Variants in PTPRN2 observed in about 807,000 individuals in gnomAD.
PTPRN2 encodes the protein receptor-type tyrosine-protein phosphatase N2.
Under a neutral mutation model 118.8 loss-of-function variants are expected in PTPRN2, and 74 were observed. That is an observed-to-expected ratio of 0.62 (90% CI 0.52 to 0.76). The LOEUF is 0.76. PTPRN2 is among the 30% of genes least tolerant of loss of function. The pLI is 0.00. For synonymous variants in PTPRN2, 641 were observed against 608.0 expected, an observed-to-expected ratio of 1.05 and a Z score of -0.80; for missense variants, 1,481 against 1,394.4, an observed-to-expected ratio of 1.06 and a Z score of -0.99.
intron 3 of PTPRN2, among the ~76,000 whole-genome samples, chr7:158,221,209 A>T (rs1163336606): frequency 6.6e-6 from 1 of 152,180 alleles, no homozygotes; most frequent in African/African-American, 2.4e-5. Flanking sequence ...CATATACAAA[A>T]ATCAATTTAA....
chr7:158,009,648 C>T (rs1805899993), intron 11 of PTPRN2, among the ~76,000 whole-genome samples: 1 of 152,172 alleles, frequency 6.6e-6, no homozygotes, highest in African/African-American at 2.4e-5. Flanking sequence ...TATAAGGACA[C>T]ATTTAAATTC....
chr7:158,144,115 A>G (rs186297165), intron 6 of PTPRN2, among the ~76,000 whole-genome samples: 107 of 152,330 alleles, frequency 7.0e-4, no homozygotes, highest in African/African-American at 2.5e-3. Context: ...GCTGGTTGTG[A>G]TATTTTGACA....
chr7:158,405,570 T>C (rs575577976), intron 2 of PTPRN2, among the ~76,000 whole-genome samples: 4 of 152,362 alleles, frequency 2.6e-5, no homozygotes, highest in African/African-American at 9.6e-5. Flanking sequence ...AAACGGGGCA[T>C]GCACAACACT....
chr7:158,141,034 C>T lies in PTPRN2; in HGVS notation c.911-2519G>A, dbSNP rs556779505. Among the ~76,000 whole-genome samples, 8 of 152,180 alleles carry T rather than the reference C, an allele frequency of 5.3e-5. No homozygotes were observed. The East Asian group carries it at 5.8e-4, about 11-fold the overall frequency. On this transcript the variant is annotated intron_variant, in intron 6 of 22. Coordinates refer to ENST00000389418, the MANE Select transcript of PTPRN2 (RefSeq NM_002847.5). The stretch of plus-strand genomic sequence containing the variant: ...TCCTGACCTCAGTGGGGTCTCACCA[C>T]GACCCTCCACTGTAGGGGGGTCCCG...
chr7:158,191,014 C>T (rs575671810), intron 5 of PTPRN2, among the ~76,000 whole-genome samples: 4 of 152,258 alleles, frequency 2.6e-5, no homozygotes, highest in Non-Finnish European at 5.9e-5. Context: ...ACAGAACGTG[C>T]CACCTTGTGG....
At position 158,410,987 on chromosome 7, in the gene PTPRN2, G is replaced by A. The variant is rs574218658; in HGVS notation, c.163+78748C>T. ...ACCCAGGTGACCCCAGACATGGAGC[G>A]TGAGTAGGAAATTCACTTGGTGGTG... On this transcript the variant is annotated intron_variant, in intron 2 of 22. Coordinates refer to ENST00000389418, the MANE Select transcript of PTPRN2 (RefSeq NM_002847.5). Among the ~76,000 whole-genome samples the A allele has an allele frequency of 9.3e-5, 7 of 75,346 alleles. No homozygotes were observed. In the South Asian group the frequency reaches 1.8e-3, roughly 19 times the overall value. The allele number at this position is 75,346 out of a possible 152,430, so 49.4% of individuals were successfully genotyped here.
intron 3 of PTPRN2, among the ~76,000 whole-genome samples, chr7:158,247,946 C>T (rs990744352): frequency 6.6e-6 from 1 of 152,188 alleles, no homozygotes. Context: ...ATACCTCGCA[C>T]AAGACCCCAG....
chr7:158,262,816 ACAC>A (rs1797572056), intron 3 of PTPRN2, among the ~76,000 whole-genome samples: 1 of 144,188 alleles, frequency 6.9e-6, no homozygotes, highest in Non-Finnish European at 1.5e-5. Context: ...ACACACATTC[ACAC>A]TGCACACATT....
chr7:158,066,386 C>G (rs974376054), intron 11 of PTPRN2, among the ~76,000 whole-genome samples: 2 of 152,214 alleles, frequency 1.3e-5, no homozygotes, highest in African/African-American at 4.8e-5. Flanking sequence ...GCACACTGAC[C>G]TGCAGCATGG....
At chr7:157,821,116 C>T (rs1038402042) in intron 12 of PTPRN2, among the ~76,000 whole-genome samples, 1 of 152,230 alleles carries the variant, frequency 6.6e-6, no homozygotes, top group African/African-American at 2.4e-5. Flanking sequence ...ATGACACACC[C>T]AGCATCCTTG....
intron 12 of PTPRN2, among the ~76,000 whole-genome samples, chr7:157,840,191 C>CTG (rs1251846739): frequency 8.1e-5 from 10 of 123,884 alleles, no homozygotes; most frequent in Middle Eastern, 7.5e-3. Context: ...CCGTGTGTGA[C>CTG]TGTGACCGCG....
intron 3 of PTPRN2, among the ~76,000 whole-genome samples, chr7:158,244,712 TTG>T (rs374995900): frequency 0.24 from 32,943 of 136,444 alleles, 3,789 homozygotes; most frequent in East Asian, 0.38. Flanking sequence ...TGGTTGTGAG[TTG>T]TGTTAGAGTG....
chr7:158,399,305 TG>T lies in PTPRN2; in HGVS notation c.164-82374del, dbSNP rs544442135. On this transcript the variant is annotated intron_variant, in intron 2 of 22. Coordinates refer to ENST00000389418, the MANE Select transcript of PTPRN2 (RefSeq NM_002847.5). ...AGGAGACCCTGCTGAGCAGTTTCAC[TG>T]GGAAAAATTTTCTCTATTTCTATTC... is the stretch of plus-strand genomic sequence containing the variant. 1.1e-3 allele frequency among the ~76,000 whole-genome samples: 170 copies of T among 152,332 alleles called. 1 individual carries two copies. The highest frequency in any genetic ancestry group is 4.0e-3 in the African/African-American group (165 of 41,572).
chr7:158,170,081 G>C (rs1823401260), intron 5 of PTPRN2, among the ~76,000 whole-genome samples: 2 of 152,200 alleles, frequency 1.3e-5, no homozygotes, highest in African/African-American at 4.8e-5. Context: ...AGGACTAGCT[G>C]AAATCAACTA....
intron 11 of PTPRN2, among the ~76,000 whole-genome samples, chr7:157,941,956 G>A (rs10248460): frequency 0.53 from 79,580 of 151,320 alleles, 21,819 homozygotes; most frequent in African/African-American, 0.68. Context: ...AGGGGTCCAC[G>A]GCACACCCTC....
rs997444482 is a variant in PTPRN2, at chr7:157,874,021, C to T, written c.1788+24652G>A. On this transcript the variant is annotated intron_variant, in intron 12 of 22. Coordinates refer to ENST00000389418, the MANE Select transcript of PTPRN2 (RefSeq NM_002847.5). This position sits in a 1 kb window ranked among gnomAD's most constrained non-coding sequence, Gnocchi z 5.8. Reference sequence around the variant, plus strand: ...CCTGAGCAGCCTCGGGAAGAGCTCTCGGGACCTCGGGGGAGTGAGGTGGCC... The same window carrying T: ...CCTGAGCAGCCTCGGGAAGAGCTCTTGGGACCTCGGGGGAGTGAGGTGGCC... Among the ~76,000 whole-genome samples the T allele has an allele frequency of 1.3e-5, 2 of 152,192 alleles. No individual in the cohort carries two copies. Among genetic ancestry groups the T allele is most frequent in the Admixed American group, 1.3e-4 (2 of 15,286 alleles).
At chr7:157,816,993 G>A (rs1232846301) in intron 12 of PTPRN2, among the ~76,000 whole-genome samples, 1 of 152,198 alleles carries the variant, frequency 6.6e-6, no homozygotes, top group Non-Finnish European at 1.5e-5. Flanking sequence ...ACATGCCTCT[G>A]GCCTCCGGCC....
intron 10 of PTPRN2, among the ~76,000 whole-genome samples, chr7:158,101,294 G>C (rs1815206621): frequency 6.6e-6 from 1 of 152,138 alleles, no homozygotes; most frequent in African/African-American, 2.4e-5. Context: ...GTCAAAAATG[G>C]TGCTGGGATA....
intron 21 of PTPRN2, among the ~76,000 whole-genome samples, chr7:157,555,918 C>G (rs974960488): frequency 2.0e-5 from 3 of 152,232 alleles, no homozygotes; most frequent in Non-Finnish European, 4.4e-5. Context: ...TCCTCACTCA[C>G]CCAGGCTGCG....
Sources: gnomAD v4.1 joint callset for allele counts (sites outside exome capture counted in the v4.1 genomes callset) on GRCh38, gnomAD v4.1.1 for gene constraint, Gnocchi (gnomAD v3.1) non-coding constraint, MANE v1.5 for transcripts, NCBI Gene and HGNC (gene_info 2026-07-23, HGNC 2026-07-21) for gene names.